ANKRD53: variants seen among roughly 807,000 people sequenced by gnomAD.
ANKRD53 encodes ankyrin repeat domain-containing protein 53.
In ANKRD53, 27 loss-of-function variants were observed where a neutral mutation model predicts 30.1. That is an observed-to-expected ratio of 0.90 (90% CI 0.66 to 1.24). ANKRD53 has a LOEUF of 1.24. ANKRD53 is among the 50% of genes most tolerant of loss of function. The pLI is 0.00. For missense variants in ANKRD53, 682 were observed against 721.0 expected (o/e 0.95, Z 0.62); for synonymous variants, 286 against 295.4 (o/e 0.97, Z 0.33).
chr2:70,984,614 G>C lies in ANKRD53; in HGVS notation c.907G>C (p.Glu303Gln). The C allele has an allele frequency of 6.2e-7, 1 of 1,613,808 alleles. No homozygotes were observed. Among genetic ancestry groups the C allele is most frequent in the East Asian group, 2.2e-5 (1 of 44,878 alleles). Reference protein sequence around the residue: ...EHNYLIEYQKEHKILREAAIR... With the variant: ...EHNYLIEYQKQHKILREAAIR... ...CTTGTGCCCTCTGTTGTTGCAGAAA[G>C]AGCACAAAATTCTCAGAGAAGCTGC... is the stretch of plus-strand genomic sequence containing the variant. Residue 303 changes from glutamate to glutamine, a missense_variant, in exon 6 of 6, where the codon GAG (glutamate) becomes CAG (glutamine). Glu to Gln is a conservative substitution (Grantham distance 29). Transcript: ENST00000360589.
upstream of ANKRD53, chr2:70,978,583 G>C (rs1306131927): frequency 1.1e-5 from 15 of 1,419,724 alleles, no homozygotes; most frequent in African/African-American, 2.3e-4. This position sits in a 1 kb window ranked among gnomAD's most constrained non-coding sequence, Gnocchi z 4.3. Context: ...TGGCCCCCGG[G>C]GGCGGGGCGC....
Position 70,985,455 on chromosome 2 carries a change from C to T in ANKRD53, c.*155C>T, listed in dbSNP as rs1670163761. On this transcript the variant is annotated 3_prime_UTR_variant, in exon 6 of 6. Transcript: ENST00000360589. ...CCTTCCCAATCAAAAGCCCAGACCCCAGGCCTCCCTTTTCTCTGCAAATAA... is the reference window on the plus strand; with the variant it reads ...CCTTCCCAATCAAAAGCCCAGACCCTAGGCCTCCCTTTTCTCTGCAAATAA... 1.5e-6 allele frequency: 1 copy of T among 668,196 alleles called. No homozygotes were observed. Among genetic ancestry groups the T allele is most frequent in the African/African-American group, 1.8e-5 (1 of 54,414 alleles). 41.4% of individuals were successfully genotyped at this position (668,196 alleles called of 1,614,324 possible).
In ANKRD53 at chr2:70,984,842, ACG is replaced by A. The variant is rs1156482106; in HGVS notation, c.1136_1137del (p.Thr379SerfsTer10). The A allele has an allele frequency of 7.7e-6, 12 of 1,551,984 alleles. No individual in the cohort carries two copies. The East Asian group carries it at 2.7e-4, about 35-fold the overall frequency. ...EMPKPIYRKP[T>X]VKRPTMWNVS... The stretch of plus-strand genomic sequence containing the variant: ...GCCCAAGCCCATCTACAGGAAGCCC[ACG>A]GTCAAGCGGCCCACAATGTGGAATG... On this transcript the variant is annotated frameshift_variant, in exon 6 of 6. Transcript: ENST00000360589. LOFTEE classifies it low-confidence loss of function (END_TRUNC).
chr2:70,980,247 G>A (rs1669965310), intron 3 of ANKRD53, among the ~76,000 whole-genome samples: 1 of 151,558 alleles, frequency 6.6e-6, no homozygotes, highest in Admixed American at 6.6e-5. Context: ...CCCAGGAGAT[G>A]GAGGTTGCGG....
In ANKRD53 at chr2:70,979,279, G is replaced by A; in HGVS notation, c.353G>A (p.Gly118Asp). ...TACCAGCTGTTCGCAGCGGCTGTGG[G>A]CAACGTGGAATGGCTGCGATTCTGT... The part of the protein sequence containing the change: ...SYYQLFAAAV[G>D]NVEWLRFCLN... Residue 118 changes from glycine to aspartate, a missense_variant, in exon 2 of 6, where the codon GGC becomes GAC. Coordinates refer to ENST00000360589, the MANE Select transcript of ANKRD53 (RefSeq NM_001115116.2). The A allele has an allele frequency of 6.2e-7, 1 of 1,613,778 alleles. No homozygotes were observed. The highest frequency in any genetic ancestry group is 8.5e-7 in the Non-Finnish European group (1 of 1,180,044).
Position 70,978,900 on chromosome 2 carries a change from G to A in ANKRD53, c.170+85G>A. On this transcript the variant is annotated intron_variant, in intron 1 of 5. Coordinates refer to ENST00000360589, the MANE Select transcript of ANKRD53 (RefSeq NM_001115116.2). The surrounding 1 kb of genome is among the most constrained non-coding windows in gnomAD (Gnocchi z 4.3). ...CTGGTGGGCAGGGCCTGGAGCGGGC[G>A]GGGGCGGAGGCTGCGGCCCGAGAAG... 2.7e-6 allele frequency: 4 copies of A among 1,467,864 alleles called. No homozygotes were observed. The highest frequency in any genetic ancestry group is 2.8e-5 in the South Asian group (2 of 72,240). The allele number at this position is 1,467,864 out of a possible 1,614,324, so 90.9% of individuals were successfully genotyped here. A position where few individuals can be genotyped will look rare whatever the true frequency, so the allele number is the denominator to read the frequency against.
chr2:70,982,188 T>C lies in ANKRD53; in HGVS notation c.782+88T>C, dbSNP rs1670031759. ...AGGGCCCTCACCACAGCTGAGCCTT[T>C]AAGGGGAGGGTTGGGAAGCCAGACA... On this transcript the variant is annotated intron_variant, in intron 4 of 5. Transcript: ENST00000360589. The surrounding 1 kb of genome is among the most constrained non-coding windows in gnomAD (Gnocchi z 4.2). The C allele has an allele frequency of 6.9e-7, 1 of 1,443,000 alleles. No homozygotes were observed. The highest frequency in any genetic ancestry group is 9.3e-7 in the Non-Finnish European group (1 of 1,080,784). 89.4% of individuals were successfully genotyped at this position (1,443,000 alleles called of 1,614,324 possible).
chr2:70,979,387 G>A (rs782754325), intron 2 of ANKRD53, 44 bp downstream of exon 2: 27 of 1,610,332 alleles, frequency 1.7e-5, no homozygotes, highest in Non-Finnish European at 2.2e-5. Context: ...TCCCTCTCCC[G>A]CTACGCTGCT....
Position 70,985,055 on chromosome 2 carries a change from C to A in ANKRD53, c.1348C>A (p.Leu450Met). The A allele has an allele frequency of 6.5e-7, 1 of 1,550,214 alleles. No individual in the cohort carries two copies. Among genetic ancestry groups the A allele is most frequent in the South Asian group, 1.2e-5 (1 of 84,058 alleles). ...DGHWVAPVPR[L>M]PFEVLLRMLY... The stretch of plus-strand genomic sequence containing the variant: ...CCACTGGGTGGCGCCCGTGCCGCGG[C>A]TGCCTTTTGAGGTGCTGCTGCGCAT... The change falls in exon 6 of 6, where the codon CTG (leucine) becomes ATG (methionine). Residue 450 changes from leucine to methionine, a missense_variant. By Grantham distance (15) the Leu-to-Met change is conservative. Coordinates refer to ENST00000360589, the MANE Select transcript of ANKRD53 (RefSeq NM_001115116.2).
chr2:70,979,881 G>A, intron 3 of ANKRD53, 21 bp downstream of exon 3: 1 of 1,614,006 alleles, frequency 6.2e-7, no homozygotes, highest in Non-Finnish European at 8.5e-7. Context: ...CCTGCTTCAG[G>A]AGGGAGGCTT....
chr2:70,982,100 G>A lies in ANKRD53; in HGVS notation c.782G>A (p.Arg261Gln), dbSNP rs782343220. 13 of 1,599,924 alleles carry A rather than the reference G, an allele frequency of 8.1e-6. No individual in the cohort carries two copies. The highest frequency in any genetic ancestry group is 6.8e-6 in the Non-Finnish European group (8 of 1,172,122). ...CKIWNHRACA[R>Q]FLKDAMWKKD... ...ATATGGAACCACCGTGCCTGTGCCC[G>A]GTGAGAGTGTGAGAACCACCTGGAG... The change falls in exon 4 of 6, where the codon CGG becomes CAG. Residue 261 changes from arginine to glutamine, a missense_variant and splice_region_variant. Physicochemically the swap from Arg to Gln is conservative, Grantham distance 43. Transcript: ENST00000360589. The surrounding 1 kb of genome is among the most constrained non-coding windows in gnomAD (Gnocchi z 4.2).
In ANKRD53 at chr2:70,982,284, A is replaced by G. The variant is rs909058530; in HGVS notation, c.782+184A>G. ...CACCTCATCACCTGGGCTTGGGGGTAAGTCTGCCCAGGTCCCCTGCTCTCT... is the reference window on the plus strand; with the variant it reads ...CACCTCATCACCTGGGCTTGGGGGTGAGTCTGCCCAGGTCCCCTGCTCTCT... On this transcript the variant is annotated intron_variant, in intron 4 of 5. Transcript: ENST00000360589. This position sits in a 1 kb window ranked among gnomAD's most constrained non-coding sequence, Gnocchi z 4.2. The G allele has an allele frequency of 2.5e-6, 2 of 797,858 alleles. No individual in the cohort carries two copies. The highest frequency in any genetic ancestry group is 3.5e-5 in the African/African-American group (2 of 57,324). The allele number at this position is 797,858 out of a possible 1,614,324, so 49.4% of individuals were successfully genotyped here. A position where few individuals can be genotyped will look rare whatever the true frequency, so the allele number is the denominator to read the frequency against.
At chr2:70,984,079 T>C (rs1553424131) in intron 5 of ANKRD53, 1 of 1,569,386 alleles carries the variant, frequency 6.4e-7, no homozygotes, top group Admixed American at 1.7e-5. Context: ...CCAAGAAGCG[T>C]GTCCACATCA....
In ANKRD53 at chr2:70,979,230, G is replaced by C. The variant is rs782241912; in HGVS notation, c.304G>C (p.Asp102His). The change falls in exon 2 of 6, where the codon GAC becomes CAC. Residue 102 changes from aspartate to histidine, a missense_variant. Physicochemically the swap from Asp to His is moderately conservative, Grantham distance 81 (BLOSUM62 -1). Coordinates refer to ENST00000360589, the MANE Select transcript of ANKRD53 (RefSeq NM_001115116.2). ...PSKESDQTAI[D>H]QTAIGSYYQL... ...CAAGGAGTCCGACCAGACGGCAATC[G>C]ACCAGACGGCGATCGGGAGCTACTA... 6.2e-7 allele frequency: 1 copy of C among 1,613,480 alleles called. No homozygotes were observed. The highest frequency in any genetic ancestry group is 1.1e-5 in the South Asian group (1 of 91,082).
chr2:70,982,594 T>C lies in ANKRD53; in HGVS notation c.800T>C (p.Met267Thr). Residue 267 changes from methionine to threonine, a missense_variant, in exon 5 of 6, where the codon ATG becomes ACG. Met to Thr is a moderately conservative substitution (Grantham distance 81, BLOSUM62 -1). Transcript: ENST00000360589. This position sits in a 1 kb window ranked among gnomAD's most constrained non-coding sequence, Gnocchi z 4.2. ...RACARFLKDA[M>T]WKKDKKDFAR... ...GGCACCAGGTTCTTGAAGGATGCCA[T>C]GTGGAAAAAGGACAAGAAGGACTTT... The C allele has an allele frequency of 2.5e-6, 4 of 1,613,886 alleles. No individual in the cohort carries two copies. The highest frequency in any genetic ancestry group is 3.4e-6 in the Non-Finnish European group (4 of 1,179,930).
Position 70,982,737 on chromosome 2 carries a change from C to A in ANKRD53, c.903+40C>A, listed in dbSNP as rs369947430. On this transcript the variant is annotated intron_variant, in intron 5 of 5. Coordinates refer to ENST00000360589, the MANE Select transcript of ANKRD53 (RefSeq NM_001115116.2). This position sits in a 1 kb window ranked among gnomAD's most constrained non-coding sequence, Gnocchi z 4.2. ...AGGGGGGCCAGGGGACAGCTGCTAT[C>A]CAGGCATGTGAGCAGAGGGGGCAGT... 4 of 1,608,092 alleles carry A rather than the reference C, an allele frequency of 2.5e-6. No individual in the cohort carries two copies. In the African/African-American group the frequency reaches 5.3e-5, roughly 21 times the overall value.
At position 70,979,210 on chromosome 2, in the gene ANKRD53, A is replaced by C; in HGVS notation, c.284A>C (p.Glu95Ala). 6.2e-7 allele frequency: 1 copy of C among 1,613,278 alleles called. No homozygotes were observed. The highest frequency in any genetic ancestry group is 8.5e-7 in the Non-Finnish European group (1 of 1,179,960). ...CGCGCTGACCCCAGCCCCAGCAAGG[A>C]GTCCGACCAGACGGCAATCGACCAG... Reference protein sequence around the residue: ...PPRADPSPSKESDQTAIDQTA... With the variant: ...PPRADPSPSKASDQTAIDQTA... Residue 95 changes from glutamate (E) to alanine (A), a missense_variant, in exon 2 of 6, where the codon GAG (glutamate) becomes GCG (alanine). Coordinates refer to ENST00000360589, the MANE Select transcript of ANKRD53 (RefSeq NM_001115116.2).
chr2:70,984,920 G>A lies in ANKRD53; in HGVS notation c.1213G>A (p.Gly405Ser). Residue 405 changes from glycine to serine, a missense_variant, in exon 6 of 6, where the codon GGC becomes AGC. Transcript: ENST00000360589. ...PPTTQISHSQ[G>S]IRLGVHPDPT... ...CACCACCCAGATCAGCCACTCGCAGGGCATCCGCCTGGGCGTGCATCCAGA... is the reference window on the plus strand; with the variant it reads ...CACCACCCAGATCAGCCACTCGCAGAGCATCCGCCTGGGCGTGCATCCAGA... 6.4e-7 allele frequency: 1 copy of A among 1,550,862 alleles called. No homozygotes were observed. The highest frequency in any genetic ancestry group is 8.7e-7 in the Non-Finnish European group (1 of 1,146,982).
At chr2:70,980,318 C>CAA (rs35991485) in intron 3 of ANKRD53, among the ~76,000 whole-genome samples, 1,692 of 76,124 alleles carry the variant, frequency 0.022, 57 homozygotes, top group African/African-American at 0.066. Context: ...TCCGTCTCAA[C>CAA]AAAAAAAAAA....
Sources: gnomAD v4.1 joint callset for allele counts (sites outside exome capture counted in the v4.1 genomes callset) on GRCh38, gnomAD v4.1.1 for gene constraint, Gnocchi (gnomAD v3.1) non-coding constraint, MANE v1.5 for transcripts, NCBI Gene and HGNC (gene_info 2026-07-23, HGNC 2026-07-21) for gene names.